GFRA2: variants seen among roughly 807,000 people sequenced by gnomAD.
The protein encoded by GFRA2 is GDNF family receptor alpha 2.
GFRA2 carries 17 observed loss-of-function variants against 48.3 expected under a neutral mutation model. The observed-to-expected ratio is 0.35, with a 90% CI of 0.24 to 0.53. The LOEUF (loss-of-function observed/expected upper bound fraction) is 0.53. Among genes scored for constraint, GFRA2 ranks in the 20% least tolerant of loss-of-function variants. The pLI is 0.93. For missense variants in GFRA2, 660 were observed against 637.3 expected, an observed-to-expected ratio of 1.04 and a Z score of -0.38; for synonymous variants, 305 against 257.2, an observed-to-expected ratio of 1.19 and a Z score of -1.78.
intron 2 of GFRA2, among the ~76,000 whole-genome samples, chr8:21,776,776 G>A (rs183483522): frequency 3.3e-5 from 5 of 151,928 alleles, no homozygotes; most frequent in Non-Finnish European, 5.9e-5. Flanking sequence ...CAGCCAAGAC[G>A]CATTATTTAC....
intron 7 of GFRA2, among the ~76,000 whole-genome samples, chr8:21,701,165 C>G (rs577982103): frequency 3.4e-4 from 52 of 152,318 alleles, no homozygotes; most frequent in African/African-American, 1.2e-3. Context: ...GAGGCCGAGG[C>G]GGGTGGATCA....
chr8:21,713,000 A>AGAGGGAGAGGGAGAC (rs1204836446), intron 4 of GFRA2, among the ~76,000 whole-genome samples: 25 of 148,958 alleles, frequency 1.7e-4, no homozygotes, highest in African/African-American at 5.7e-4. Context: ...GACCGTGGAA[A>AGAGGGAGAGGGAGAC]GAGGGAGAGG....
intron 4 of GFRA2, among the ~76,000 whole-genome samples, chr8:21,735,097 G>C (rs984913976): frequency 4.6e-5 from 7 of 152,152 alleles, no homozygotes; most frequent in African/African-American, 1.7e-4. Flanking sequence ...ATAAAACCAA[G>C]CTGTGCCCTG....
chr8:21,796,806 G>A (rs1807685122), intron 2 of GFRA2, among the ~76,000 whole-genome samples: 1 of 152,328 alleles, frequency 6.6e-6, no homozygotes, highest in South Asian at 2.1e-4. Flanking sequence ...AGAATGAATT[G>A]CTAATGGTAG....
At chr8:21,762,612 A>G (rs937651208) in intron 3 of GFRA2, among the ~76,000 whole-genome samples, 9 of 152,210 alleles carry the variant, frequency 5.9e-5, no homozygotes, top group African/African-American at 1.9e-4. Context: ...AAATAAAATC[A>G]ATTTGGAACC....
At chr8:21,717,430 G>A (rs1288542250) in intron 4 of GFRA2, among the ~76,000 whole-genome samples, 1 of 152,156 alleles carries the variant, frequency 6.6e-6, no homozygotes, top group East Asian at 1.9e-4. Flanking sequence ...TACAAATGGA[G>A]AAAATGTTAA....
At chr8:21,719,203 G>T (rs1310550963) in intron 4 of GFRA2, among the ~76,000 whole-genome samples, 2 of 152,128 alleles carry the variant, frequency 1.3e-5, no homozygotes, top group African/African-American at 2.4e-5. Flanking sequence ...AGAGCAGGGG[G>T]TCCAAGTCTG....
intron 3 of GFRA2, among the ~76,000 whole-genome samples, chr8:21,754,449 C>T (rs1049989897): frequency 1.5e-4 from 23 of 151,334 alleles, no homozygotes; most frequent in Admixed American, 6.6e-5. Context: ...GGATGATCAA[C>T]GAAGACTAAG....
chr8:21,782,928 G>C (rs1807083590), intron 1 of GFRA2, 29 bp from the exon 2 acceptor site: 1 of 1,527,072 alleles, frequency 6.5e-7, no homozygotes, highest in Non-Finnish European at 8.8e-7. Context: ...AGACAAGCAT[G>C]AATGACGGCC....
chr8:21,735,293 AG>A (rs768630856), intron 4 of GFRA2, among the ~76,000 whole-genome samples: 6 of 152,150 alleles, frequency 3.9e-5, no homozygotes, highest in Non-Finnish European at 8.8e-5. Context: ...ATGTCTTCCA[AG>A]GCCCCACAGC....
Position 21,705,065 on chromosome 8 carries a change from C to T in GFRA2, c.965G>A (p.Trp322Ter), listed in dbSNP as rs1392780651. 6.2e-7 allele frequency: 1 copy of T among 1,611,020 alleles called. No homozygotes were observed. The highest frequency in any genetic ancestry group is 1.3e-5 in the African/African-American group (1 of 74,812). The change falls in exon 6 of 9, where the codon TGG (tryptophan) becomes TAG (stop). Residue 322 changes from tryptophan (W) to a stop codon, truncating the protein, a stop_gained. Coordinates refer to ENST00000524240, the MANE Select transcript of GFRA2 (RefSeq NM_001495.5). LOFTEE classifies it high-confidence loss of function. ...SSPTGIVVSPWCSCRGSGNME... is the reference protein window; with the variant it reads ...SSPTGIVVSP Reference sequence around the variant, plus strand: ...GTTCCCGCTGCCACGACAGCTGCACCAGGGGGACACCACGATGCCAGTGGG... The same window carrying T: ...GTTCCCGCTGCCACGACAGCTGCACTAGGGGGACACCACGATGCCAGTGGG...
intron 1 of GFRA2, among the ~76,000 whole-genome samples, chr8:21,783,973 T>A (rs2117077555): frequency 6.6e-6 from 1 of 152,218 alleles, no homozygotes; most frequent in South Asian, 2.1e-4. Context: ...CTCTATCTCT[T>A]ATTTTGTTCT....
At chr8:21,722,185 G>A (rs1803633143) in intron 4 of GFRA2, among the ~76,000 whole-genome samples, 1 of 152,180 alleles carries the variant, frequency 6.6e-6, no homozygotes, top group Admixed American at 6.5e-5. Context: ...GCTAGCCAGT[G>A]CTTTTCCCCC....
Position 21,788,226 on chromosome 8 carries a change from C to A in GFRA2, c.-67G>T. 3.2e-6 allele frequency: 5 copies of A among 1,580,844 alleles called. No homozygotes were observed. Among genetic ancestry groups the A allele is most frequent in the Middle Eastern group, 1.7e-4 (1 of 6,008 alleles). On this transcript the variant is annotated 5_prime_UTR_variant, in exon 1 of 9. Transcript: ENST00000524240. Reference sequence around the variant, plus strand: ...TAAAAAAAAATAATAGTAGTAACAACAACAATAATAATAGGCAAGCAGTGG... The same window carrying A: ...TAAAAAAAAATAATAGTAGTAACAAAAACAATAATAATAGGCAAGCAGTGG...
At chr8:21,693,538 G>C in intron 8 of GFRA2, 138 bp from the exon 9 acceptor site, 2 of 758,006 alleles carry the variant, frequency 2.6e-6, no homozygotes, top group Non-Finnish European at 2.1e-6. Context: ...CACCCACAGG[G>C]ACCCTCCTTT....
intron 7 of GFRA2, among the ~76,000 whole-genome samples, chr8:21,701,323 G>A (rs1423784502): frequency 6.6e-6 from 1 of 152,232 alleles, no homozygotes; most frequent in Non-Finnish European, 1.5e-5. Context: ...GAACCCAGGA[G>A]GTGGAGCTTG....
chr8:21,738,235 C>A (rs1203497669), intron 4 of GFRA2, among the ~76,000 whole-genome samples: 3 of 135,556 alleles, frequency 2.2e-5, no homozygotes, highest in Non-Finnish European at 3.2e-5. Flanking sequence ...CTCTTCCCCA[C>A]CCCCTTTTCT....
At chr8:21,727,297 G>T (rs530851784) in intron 4 of GFRA2, among the ~76,000 whole-genome samples, 1 of 152,246 alleles carries the variant, frequency 6.6e-6, no homozygotes, top group African/African-American at 2.4e-5. Flanking sequence ...GCCATCTGGA[G>T]CTGGGCCCTA....
At chr8:21,706,064 A>G in intron 4 of GFRA2, 23 bp from the exon 5 acceptor site, 2 of 1,486,716 alleles carry the variant, frequency 1.3e-6, no homozygotes, top group Non-Finnish European at 1.8e-6. Context: ...AGAAGACGCA[A>G]TAGAGAAAAC....
Sources: allele counts gnomAD v4.1 joint callset (sites outside exome capture counted in the v4.1 genomes callset), GRCh38; gene constraint gnomAD v4.1.1; transcripts MANE v1.5; gene names NCBI Gene and HGNC (gene_info 2026-07-23, HGNC 2026-07-21).